The following C10orf90 variants were observed in gnomAD, a reference collection of about 807,000 sequenced individuals.
The protein encoded by C10orf90 is chromosome 10 open reading frame 90, also known as (E2-independent) E3 ubiquitin-conjugating enzyme FATS.
Under a neutral mutation model 62.5 loss-of-function variants are expected in C10orf90, and 56 were observed. That is an observed-to-expected ratio of 0.90 (90% CI 0.72 to 1.12). The LOEUF (loss-of-function observed/expected upper bound fraction) is 1.12, where lower values mean the gene tolerates loss of function less well. C10orf90 is among the 50% of genes most tolerant of loss of function. The probability of loss-of-function intolerance (pLI) is 0.00; values close to 1 mark genes in which losing one functional copy is unlikely to be tolerated. For synonymous variants in C10orf90, 386 were observed against 340.4 expected, an observed-to-expected ratio of 1.13 and a Z score of -1.47; for missense variants, 970 against 880.4, an observed-to-expected ratio of 1.10 and a Z score of -1.29.
At position 126,439,836 on chromosome 10, in the gene C10orf90, T is replaced by G. The variant is rs530051583; in HGVS notation, c.2189-9986A>C. On this transcript the variant is annotated intron_variant, in intron 7 of 9. Coordinates refer to ENST00000488181, the MANE Select transcript of C10orf90 (RefSeq NM_001350921.2). ...GAACAGCATCAAAAGAGCTCACTTT[T>G]GCATTACAGAAGTTTAAGAAGGGCC... Among the ~76,000 whole-genome samples, 23 of 152,272 alleles carry G rather than the reference T, an allele frequency of 1.5e-4. No individual in the cohort carries two copies. The South Asian group carries it at 4.3e-3, about 29-fold the overall frequency.
chr10:126,599,579 A>T (rs1248380654), intron 2 of C10orf90, among the ~76,000 whole-genome samples: 2 of 151,736 alleles, frequency 1.3e-5, no homozygotes, highest in Admixed American at 1.3e-4. Flanking sequence ...GGCCCCATGC[A>T]TCCTCAGAGA....
chr10:126,581,090 G>C (rs150105924), intron 2 of C10orf90, among the ~76,000 whole-genome samples: 97 of 152,328 alleles, frequency 6.4e-4, no homozygotes, highest in Admixed American at 3.3e-3. Context: ...CCGCCGTGCA[G>C]AGTGGAAATC....
chr10:126,432,760 G>C (rs1469618373), intron 7 of C10orf90, among the ~76,000 whole-genome samples: 1 of 152,234 alleles, frequency 6.6e-6, no homozygotes, highest in African/African-American at 2.4e-5. Flanking sequence ...ACAGCTGCCT[G>C]GGGATTTTGG....
intron 2 of C10orf90, among the ~76,000 whole-genome samples, chr10:126,630,064 CG>C (rs1376054212): frequency 1.3e-5 from 2 of 152,214 alleles, no homozygotes; most frequent in African/African-American, 4.8e-5. Context: ...ATAAAAATAG[CG>C]GCTGCCTGTG....
intron 7 of C10orf90, among the ~76,000 whole-genome samples, chr10:126,451,909 G>A (rs1213193304): frequency 6.6e-6 from 1 of 152,096 alleles, no homozygotes; most frequent in Non-Finnish European, 1.5e-5. Flanking sequence ...GTAGAATGTT[G>A]GTTACCAGGG....
At chr10:126,654,947 A>G (rs1027912703) in intron 1 of C10orf90, among the ~76,000 whole-genome samples, 1 of 152,140 alleles carries the variant, frequency 6.6e-6, no homozygotes, top group African/African-American at 2.4e-5. Context: ...GTGAGAGAAC[A>G]ACTGGGCTGT....
At chr10:126,595,109 T>C (rs2576026) in intron 2 of C10orf90, among the ~76,000 whole-genome samples, 16,801 of 152,150 alleles carry the variant, frequency 0.11, 1,649 homozygotes, top group African/African-American at 0.24. Flanking sequence ...ACTAAGGATT[T>C]CCAGAAGTCT....
At chr10:126,668,165 T>C (rs1416431269) in intron 1 of C10orf90, among the ~76,000 whole-genome samples, 1 of 152,204 alleles carries the variant, frequency 6.6e-6, no homozygotes. Flanking sequence ...TTGCAGGACC[T>C]CATGGGAAGA....
intron 2 of C10orf90, among the ~76,000 whole-genome samples, chr10:126,610,330 C>T (rs1845406072): frequency 6.6e-6 from 1 of 152,246 alleles, no homozygotes. Flanking sequence ...CCTCTACCGT[C>T]TATAACCTGG....
chr10:126,464,522 G>A (rs1860169873), intron 5 of C10orf90, among the ~76,000 whole-genome samples, 174 bp downstream of exon 5: 11 of 152,210 alleles, frequency 7.2e-5, no homozygotes, highest in Admixed American at 7.2e-4. Flanking sequence ...CCTCCTGGGT[G>A]CTTGGGAGCT....
chr10:126,632,799 G>A (rs538568926), intron 2 of C10orf90, among the ~76,000 whole-genome samples: 27 of 152,058 alleles, frequency 1.8e-4, no homozygotes, highest in Non-Finnish European at 3.5e-4. Flanking sequence ...TCTCTTCTGT[G>A]CTTGGCCCCA....
At chr10:126,635,860 C>T (rs1277219392) in intron 2 of C10orf90, among the ~76,000 whole-genome samples, 1 of 152,118 alleles carries the variant, frequency 6.6e-6, no homozygotes, top group African/African-American at 2.4e-5. Context: ...TTTAGGGAAA[C>T]CTAGCCCTCT....
chr10:126,512,965 G>T (rs1863221972), intron 3 of C10orf90, among the ~76,000 whole-genome samples: 1 of 151,952 alleles, frequency 6.6e-6, no homozygotes, highest in South Asian at 2.1e-4. Flanking sequence ...AAGCGTTTTG[G>T]GTAAAAAAAT....
chr10:126,587,496 T>C (rs1207731647), intron 2 of C10orf90, among the ~76,000 whole-genome samples: 1 of 152,168 alleles, frequency 6.6e-6, no homozygotes, highest in African/African-American at 2.4e-5. Context: ...AGCTCTCTGG[T>C]ATCTGTTTTC....
intron 4 of C10orf90, among the ~76,000 whole-genome samples, chr10:126,498,753 T>C (rs937496397): frequency 5.3e-5 from 8 of 152,206 alleles, no homozygotes; most frequent in Admixed American, 4.6e-4. Context: ...TCCTGGGGAA[T>C]ATAAGGGCCC....
At chr10:126,624,787 C>T (rs949870837) in intron 2 of C10orf90, among the ~76,000 whole-genome samples, 19 of 152,178 alleles carry the variant, frequency 1.2e-4, no homozygotes, top group African/African-American at 4.6e-4. Flanking sequence ...GAAAATCTGC[C>T]TAAGGACTCC....
intron 2 of C10orf90, among the ~76,000 whole-genome samples, chr10:126,553,065 T>C (rs754674648): frequency 6.6e-6 from 1 of 152,160 alleles, no homozygotes; most frequent in Non-Finnish European, 1.5e-5. Context: ...AAAATGCTTC[T>C]AAAAGAAAAC....
At position 126,465,001 on chromosome 10, in the gene C10orf90, A is replaced by G; in HGVS notation, c.1535-15T>C. ...TTTTGTGTGTACTAAAAATAAAACG[A>G]GAGTTGTGCTCAAAATCTCTTATGA... On this transcript the variant is annotated splice_polypyrimidine_tract_variant and intron_variant, in intron 4 of 9. Coordinates refer to ENST00000488181, the MANE Select transcript of C10orf90 (RefSeq NM_001350921.2). The G allele has an allele frequency of 6.3e-7, 1 of 1,591,260 alleles. No individual in the cohort carries two copies. Among genetic ancestry groups the G allele is most frequent in the Non-Finnish European group, 8.6e-7 (1 of 1,162,228 alleles).
chr10:126,661,737 A>C (rs1021409082), intron 1 of C10orf90, among the ~76,000 whole-genome samples: 12 of 150,762 alleles, frequency 8.0e-5, no homozygotes, highest in Non-Finnish European at 1.8e-4. Flanking sequence ...GCAGCATCCA[A>C]TCTGCTGTTA....
Sources: allele counts gnomAD v4.1 joint callset (sites outside exome capture counted in the v4.1 genomes callset), GRCh38; gene constraint gnomAD v4.1.1; transcripts MANE v1.5; gene names NCBI Gene and HGNC (gene_info 2026-07-23, HGNC 2026-07-21).